The following MSRA variants were observed in gnomAD, a reference collection of about 807,000 sequenced individuals.
MSRA encodes the protein mitochondrial peptide methionine sulfoxide reductase.
A neutral mutation model predicts 31.3 loss-of-function variants in MSRA; 54 were observed. That is an observed-to-expected ratio of 1.73 (90% CI 1.39 to 2.17). The LOEUF is 2.17. MSRA is among the 30% of genes most tolerant of loss of function. MSRA has a pLI of 0.00. For synonymous variants in MSRA, 169 were observed against 116.5 expected, an observed-to-expected ratio of 1.45 and a Z score of -2.90; for missense variants, 507 against 300.9, an observed-to-expected ratio of 1.69 and a Z score of -5.07.
rs1806121631 is a variant in MSRA, at chr8:10,382,347, G to A, written c.544-45801G>A. 2.6e-5 allele frequency among the ~76,000 whole-genome samples: 4 copies of A among 152,304 alleles called. No homozygotes were observed. The South Asian group carries it at 8.3e-4, about 32-fold the overall frequency. On this transcript the variant is annotated intron_variant, in intron 5 of 5. Transcript: ENST00000317173. ...TGAATCTTTAGGAGGAAAACCCCTA[G>A]CCATGATCATGGTCTTCATCTCCCA...
At chr8:10,094,456 G>T (rs996722389) in intron 1 of MSRA, among the ~76,000 whole-genome samples, 2 of 152,208 alleles carry the variant, frequency 1.3e-5, no homozygotes, top group African/African-American at 4.8e-5. Flanking sequence ...TAGGATGAAG[G>T]TATCTATGTG....
At chr8:10,422,026 A>G (rs975182179) in intron 5 of MSRA, among the ~76,000 whole-genome samples, 1 of 152,188 alleles carries the variant, frequency 6.6e-6, no homozygotes, top group Non-Finnish European at 1.5e-5. Context: ...CACACCTGTA[A>G]TCCCAGCACT....
At chr8:10,230,455 G>A (rs1255539050) in intron 2 of MSRA, among the ~76,000 whole-genome samples, 1 of 152,162 alleles carries the variant, frequency 6.6e-6, no homozygotes, top group Non-Finnish European at 1.5e-5. Flanking sequence ...GGGTATGGAT[G>A]TTAGAACTTC....
intron 3 of MSRA, among the ~76,000 whole-genome samples, chr8:10,282,493 C>A (rs1376821750): frequency 6.6e-6 from 1 of 152,226 alleles, no homozygotes; most frequent in Non-Finnish European, 1.5e-5. Context: ...GCATAGTCGA[C>A]ATTGTGGGGA....
intron 1 of MSRA, among the ~76,000 whole-genome samples, chr8:10,143,065 C>T (rs978281188): frequency 2.0e-5 from 3 of 152,128 alleles, no homozygotes; most frequent in South Asian, 4.1e-4. Context: ...CATGCTTTGA[C>T]TTCCCCAGTT....
intron 1 of MSRA, among the ~76,000 whole-genome samples, chr8:10,129,968 G>A (rs548190112): frequency 6.6e-6 from 1 of 152,252 alleles, no homozygotes; most frequent in South Asian, 2.1e-4. Context: ...GGATATTAAA[G>A]TGTGAGTTTG....
chr8:10,131,704 C>T lies in MSRA; in HGVS notation c.143-76129C>T, dbSNP rs764689124. 5.3e-5 allele frequency among the ~76,000 whole-genome samples: 8 copies of T among 152,118 alleles called. No individual in the cohort carries two copies. In the South Asian group the frequency reaches 8.3e-4, roughly 16 times the overall value. Reference sequence around the variant, plus strand: ...GGTTAGAAGATCTCAGAGATCTTGCCGTCTCTCATTCCCTATGGCCAGTGT... The same window carrying T: ...GGTTAGAAGATCTCAGAGATCTTGCTGTCTCTCATTCCCTATGGCCAGTGT... On this transcript the variant is annotated intron_variant, in intron 1 of 5. Transcript: ENST00000317173.
chr8:10,113,028 C>G (rs1331524447), intron 1 of MSRA, among the ~76,000 whole-genome samples: 1 of 152,160 alleles, frequency 6.6e-6, no homozygotes, highest in Non-Finnish European at 1.5e-5. Flanking sequence ...TGGCTCCTTG[C>G]ATATTCTCTG....
intron 1 of MSRA, among the ~76,000 whole-genome samples, chr8:10,089,447 C>G (rs959720460): frequency 3.9e-5 from 6 of 152,134 alleles, no homozygotes; most frequent in Non-Finnish European, 5.9e-5. Flanking sequence ...GAAAATGCCT[C>G]ATATTTGTGA....
intron 1 of MSRA, among the ~76,000 whole-genome samples, chr8:10,181,056 A>G (rs540036766): frequency 2.0e-5 from 3 of 152,238 alleles, no homozygotes; most frequent in Non-Finnish European, 2.9e-5. Flanking sequence ...TCTAGGCACT[A>G]TCCTAGAAAC....
At chr8:10,179,850 C>G (rs1469640152) in intron 1 of MSRA, among the ~76,000 whole-genome samples, 1 of 152,178 alleles carries the variant, frequency 6.6e-6, no homozygotes, top group Non-Finnish European at 1.5e-5. Flanking sequence ...TTTCCTACAC[C>G]TCTCCCCATG....
intron 1 of MSRA, among the ~76,000 whole-genome samples, chr8:10,140,791 A>T (rs555766234): frequency 6.6e-6 from 1 of 152,348 alleles, no homozygotes; most frequent in East Asian, 1.9e-4. Context: ...AAAAATAAGA[A>T]CAGGGACATA....
At chr8:10,318,679 T>G (rs1437932797) in intron 4 of MSRA, among the ~76,000 whole-genome samples, 1 of 152,174 alleles carries the variant, frequency 6.6e-6, no homozygotes, top group Non-Finnish European at 1.5e-5. Context: ...ATTCAATGGG[T>G]AGACAAGCAG....
At chr8:10,192,445 C>G (rs1443286802) in intron 1 of MSRA, among the ~76,000 whole-genome samples, 2 of 152,172 alleles carry the variant, frequency 1.3e-5, no homozygotes, top group Non-Finnish European at 2.9e-5. Flanking sequence ...GTGGGACACC[C>G]TGAGCCAGAA....
intron 1 of MSRA, among the ~76,000 whole-genome samples, chr8:10,155,391 T>C (rs1804065237): frequency 6.6e-6 from 1 of 152,164 alleles, no homozygotes; most frequent in Non-Finnish European, 1.5e-5. Flanking sequence ...ACCCACGCTC[T>C]CTCTCTCACT....
At chr8:10,413,170 GGAAGAGAA>G (rs1489555789) in intron 5 of MSRA, among the ~76,000 whole-genome samples, 3 of 152,180 alleles carry the variant, frequency 2.0e-5, no homozygotes, top group African/African-American at 7.2e-5. Flanking sequence ...CCTGCACAAG[GGAAGAGAA>G]GAAGAGAAGG....
chr8:10,081,484 T>C (rs1025490680), intron 1 of MSRA, among the ~76,000 whole-genome samples: 2 of 152,188 alleles, frequency 1.3e-5, no homozygotes, highest in Non-Finnish European at 2.9e-5. Flanking sequence ...TCACACTGAA[T>C]TGACTCCTTT....
chr8:10,310,032 G>A (rs759846067), intron 4 of MSRA, among the ~76,000 whole-genome samples: 10 of 152,180 alleles, frequency 6.6e-5, no homozygotes, highest in Non-Finnish European at 1.0e-4. Context: ...ACTGTCGTTC[G>A]TATATTTGAA....
At chr8:10,082,573 C>A (rs1395734243) in intron 1 of MSRA, among the ~76,000 whole-genome samples, 1 of 152,172 alleles carries the variant, frequency 6.6e-6, no homozygotes, top group African/African-American at 2.4e-5. Context: ...ACTTCCAAAT[C>A]CTACCAAGTT....
Sources: gnomAD v4.1 joint callset for allele counts (sites outside exome capture counted in the v4.1 genomes callset) on GRCh38, gnomAD v4.1.1 for gene constraint, MANE v1.5 for transcripts, NCBI Gene and HGNC (gene_info 2026-07-23, HGNC 2026-07-21) for gene names.